CAMKMT: variants seen among roughly 807,000 people sequenced by gnomAD.
The protein encoded by CAMKMT is calmodulin-lysine N-methyltransferase, also known as CaM KMT.
A neutral mutation model predicts 48.0 loss-of-function variants in CAMKMT; 53 were observed. The ratio of observed to expected loss-of-function variants is 1.10; its 90% CI spans 0.89 to 1.39. The LOEUF is 1.39. CAMKMT is among the 40% of genes most tolerant of loss of function. CAMKMT has a pLI of 0.00. For missense variants in CAMKMT, 428 were observed against 402.7 expected (o/e 1.06, Z -0.54); for synonymous variants, 165 against 152.3 (o/e 1.08, Z -0.61).
chr2:44,367,767 G>A (rs1365741606), intron 1 of CAMKMT, among the ~76,000 whole-genome samples: 1 of 152,200 alleles, frequency 6.6e-6, no homozygotes, highest in Non-Finnish European at 1.5e-5. Context: ...TTTAAGATCA[G>A]AACTGTTACT....
At chr2:44,507,484 G>T (rs1486430146) in intron 3 of CAMKMT, among the ~76,000 whole-genome samples, 1 of 152,044 alleles carries the variant, frequency 6.6e-6, no homozygotes, top group South Asian at 2.1e-4. Context: ...TCTAATTGGT[G>T]TACTGTACCA....
At chr2:44,626,187 T>G (rs1490707657) in intron 3 of CAMKMT, among the ~76,000 whole-genome samples, 1 of 152,234 alleles carries the variant, frequency 6.6e-6, no homozygotes, top group African/African-American at 2.4e-5. Context: ...TTAGGTCTTC[T>G]TTAATTTCTG....
intron 7 of CAMKMT, among the ~76,000 whole-genome samples, chr2:44,735,806 G>T (rs1056190263): frequency 4.0e-5 from 6 of 151,818 alleles, no homozygotes; most frequent in Non-Finnish European, 8.8e-5. Context: ...CCAGCTACTC[G>T]GGAGGCTGAG....
At chr2:44,373,062 T>G (rs547670116) in intron 2 of CAMKMT, among the ~76,000 whole-genome samples, 174 bp downstream of exon 2, 19 of 152,340 alleles carry the variant, frequency 1.2e-4, no homozygotes, top group Admixed American at 4.6e-4. Context: ...GGTCTTGCTG[T>G]ATTATCAGAC....
intron 3 of CAMKMT, among the ~76,000 whole-genome samples, chr2:44,552,657 C>A (rs982006814): frequency 1.3e-5 from 2 of 152,166 alleles, no homozygotes; most frequent in African/African-American, 2.4e-5. Context: ...TTAATTCTTA[C>A]AACTGTTCTG....
chr2:44,678,672 A>T (rs970280076), intron 3 of CAMKMT, among the ~76,000 whole-genome samples: 8 of 152,182 alleles, frequency 5.3e-5, no homozygotes, highest in Non-Finnish European at 1.2e-4. Flanking sequence ...AAGCCATGTT[A>T]TGTTTTGTGC....
intron 3 of CAMKMT, among the ~76,000 whole-genome samples, chr2:44,497,160 G>A (rs1172745858): frequency 1.3e-5 from 2 of 152,138 alleles, no homozygotes; most frequent in East Asian, 3.8e-4. Context: ...TCGTACATCT[G>A]CAAAAATTTT....
In CAMKMT at chr2:44,576,342, A is replaced by G. The variant is rs576919665; in HGVS notation, c.377-127941A>G. Among the ~76,000 whole-genome samples, 327 of 151,720 alleles carry G rather than the reference A, an allele frequency of 2.2e-3. 1 individual carries two copies. The highest frequency in any genetic ancestry group is 2.9e-3 in the Non-Finnish European group (195 of 67,858). On this transcript the variant is annotated intron_variant, in intron 3 of 10. Coordinates refer to ENST00000378494, the MANE Select transcript of CAMKMT (RefSeq NM_024766.5). ...AAACTCTGTCTAAAAAAAAAAAAAA[A>G]AAAAGAAAAGAAAAAGAAAGAACAC...
intron 7 of CAMKMT, among the ~76,000 whole-genome samples, chr2:44,736,535 C>T (rs1333961687): frequency 1.3e-5 from 2 of 152,084 alleles, no homozygotes; most frequent in Non-Finnish European, 2.9e-5. Context: ...GTTGAAATTT[C>T]TTGCTGAGTT....
chr2:44,457,039 A>G (rs928651822), intron 3 of CAMKMT: 1 of 155,050 alleles, frequency 6.4e-6, no homozygotes, highest in African/African-American at 2.4e-5. Context: ...TTATATTTGT[A>G]TGTAAGTATA....
rs149056289 is a variant in CAMKMT at position 44,457,683 on chromosome 2, C to T, written c.376+67378C>T. ...AAAGTGCTAGGATTACAGGCATGAG[C>T]CACCGTGCCCGGCCCTTAAGTCATA... On this transcript the variant is annotated intron_variant, in intron 3 of 10. Transcript: ENST00000378494. 3.6e-3 allele frequency among the ~76,000 whole-genome samples: 553 copies of T among 152,300 alleles called. 4 individuals carry two copies. The highest frequency in any genetic ancestry group is 0.012 in the African/African-American group (514 of 41,570).
At chr2:44,583,244 C>A (rs1358918368) in intron 3 of CAMKMT, among the ~76,000 whole-genome samples, 1 of 151,940 alleles carries the variant, frequency 6.6e-6, no homozygotes, top group African/African-American at 2.4e-5. Context: ...ATGGTGGGAG[C>A]CATCAGATAC....
chr2:44,558,964 T>C (rs1668175165), intron 3 of CAMKMT, among the ~76,000 whole-genome samples: 1 of 151,100 alleles, frequency 6.6e-6, no homozygotes, highest in Admixed American at 6.6e-5. Flanking sequence ...TCTGTGTGTG[T>C]GTGTGTGTAT....
At chr2:44,473,669 C>G (rs189811398) in intron 3 of CAMKMT, among the ~76,000 whole-genome samples, 8 of 152,262 alleles carry the variant, frequency 5.3e-5, no homozygotes, top group Admixed American at 4.6e-4. Context: ...TAAAAACAAT[C>G]CTCTCTCCTT....
intron 3 of CAMKMT, among the ~76,000 whole-genome samples, chr2:44,398,752 C>G (rs1682093087): frequency 6.6e-6 from 1 of 151,634 alleles, no homozygotes; most frequent in Admixed American, 6.6e-5. Context: ...TGATTTTTAA[C>G]AAAGTTGTTT....
At chr2:44,379,705 A>G (rs1558555387) in intron 2 of CAMKMT, among the ~76,000 whole-genome samples, 1 of 145,988 alleles carries the variant, frequency 6.8e-6, no homozygotes, top group Admixed American at 6.9e-5. Flanking sequence ...CTTATTGGCC[A>G]TTTGTATTTT....
intron 3 of CAMKMT, among the ~76,000 whole-genome samples, chr2:44,544,822 C>T (rs1305751514): frequency 6.6e-6 from 1 of 151,992 alleles, no homozygotes; most frequent in Admixed American, 6.6e-5. Flanking sequence ...AAAATTTAGA[C>T]TTTAAGACTA....
intron 10 of CAMKMT, among the ~76,000 whole-genome samples, chr2:44,768,342 G>GATATATATATATATAT (rs35422115): frequency 5.6e-4 from 62 of 111,428 alleles, no homozygotes; most frequent in African/African-American, 1.6e-3. Context: ...GGGCGCCCAT[G>GATATATATATATATAT]ATATATATAT....
At chr2:44,631,369 C>A in intron 3 of CAMKMT, 1 of 387,226 alleles carries the variant, frequency 2.6e-6, no homozygotes, top group Non-Finnish European at 4.5e-6. Context: ...GCACGTTGTG[C>A]ACATGTACCC....
Sources: allele counts gnomAD v4.1 joint callset (sites outside exome capture counted in the v4.1 genomes callset), GRCh38; gene constraint gnomAD v4.1.1; transcripts MANE v1.5; gene names NCBI Gene and HGNC (gene_info 2026-07-23, HGNC 2026-07-21).